USP47: variants seen among roughly 807,000 people sequenced by gnomAD.
USP47 encodes the protein ubiquitin carboxyl-terminal hydrolase 47.
USP47 carries 35 observed loss-of-function variants against 165.1 expected under a neutral mutation model. The ratio of observed to expected loss-of-function variants is 0.21; its 90% CI spans 0.16 to 0.28. The LOEUF is 0.28. Among genes scored for constraint, USP47 ranks in the 10% least tolerant of loss-of-function variants. USP47 has a pLI of 1.00. For missense variants in USP47, 1,277 were observed against 1,607.4 expected, an observed-to-expected ratio of 0.79 and a Z score of 3.52; for synonymous variants, 531 against 544.5, an observed-to-expected ratio of 0.98 and a Z score of 0.35.
At chr11:11,879,861 G>T (rs1850717372) in intron 1 of USP47, among the ~76,000 whole-genome samples, 1 of 151,872 alleles carries the variant, frequency 6.6e-6, no homozygotes, top group South Asian at 2.1e-4. Context: ...ACTTAAAATT[G>T]CTTAAATATT....
chr11:11,916,000 G>T (rs1231636374), intron 8 of USP47, among the ~76,000 whole-genome samples: 1 of 152,052 alleles, frequency 6.6e-6, no homozygotes, highest in African/African-American at 2.4e-5. Flanking sequence ...GGATTTATAG[G>T]CAATACCATT....
In USP47 at chr11:11,935,732, G is replaced by A. The variant is rs369832338; in HGVS notation, c.1870-571G>A. ...GGTATGTCATCTATTGGTGACATAAGCTATAAGGAAATGTTATGATAGAAA... is the reference window on the plus strand; with the variant it reads ...GGTATGTCATCTATTGGTGACATAAACTATAAGGAAATGTTATGATAGAAA... On this transcript the variant is annotated intron_variant, in intron 16 of 27. Transcript: ENST00000527733. Among the ~76,000 whole-genome samples the A allele has an allele frequency of 2.0e-5, 3 of 151,918 alleles. No homozygotes were observed. In the South Asian group the frequency reaches 6.2e-4, roughly 31 times the overall value.
At chr11:11,860,465 A>C (rs1849316269) in intron 1 of USP47, among the ~76,000 whole-genome samples, 1 of 152,220 alleles carries the variant, frequency 6.6e-6, no homozygotes, top group Non-Finnish European at 1.5e-5. Flanking sequence ...AACTTTAAAA[A>C]GTGTTAAGTA....
At position 11,960,511 on chromosome 11, in the gene USP47, A is replaced by G. The variant is rs987957034; in HGVS notation, c.*4336A>G. Among the ~76,000 whole-genome samples the G allele has an allele frequency of 1.3e-5, 2 of 152,126 alleles. No homozygotes were observed. Among genetic ancestry groups the G allele is most frequent in the Non-Finnish European group, 2.9e-5 (2 of 68,026 alleles). On this transcript the variant is annotated 3_prime_UTR_variant, in exon 28 of 28. Transcript: ENST00000527733. ...TGCACTAGTCCCTACCAAGTCTTCAACCCTCAATTTGATCTTCCATGAGTG... is the reference window on the plus strand; with the variant it reads ...TGCACTAGTCCCTACCAAGTCTTCAGCCCTCAATTTGATCTTCCATGAGTG...
intron 20 of USP47, among the ~76,000 whole-genome samples, chr11:11,946,617 C>T (rs540889660): frequency 5.4e-4 from 82 of 152,184 alleles, no homozygotes; most frequent in African/African-American, 1.5e-3. Flanking sequence ...ATTTCTAATC[C>T]GGTAATTTTT....
Position 11,956,352 on chromosome 11 carries a change from G to A in USP47, c.*177G>A, listed in dbSNP as rs1327047920. On this transcript the variant is annotated 3_prime_UTR_variant, in exon 28 of 28. Transcript: ENST00000527733. ...GCCCAATGGGCCACTGTTTTGACTCGGAATCATGTTGTGCACTATAGTCAA... is the reference window on the plus strand; with the variant it reads ...GCCCAATGGGCCACTGTTTTGACTCAGAATCATGTTGTGCACTATAGTCAA... 12 of 540,726 alleles carry A rather than the reference G, an allele frequency of 2.2e-5. No individual in the cohort carries two copies. Among genetic ancestry groups the A allele is most frequent in the Non-Finnish European group, 3.2e-5 (10 of 310,094 alleles). The allele number at this position is 540,726 out of a possible 1,614,324, so 33.5% of individuals were successfully genotyped here.
intron 1 of USP47, among the ~76,000 whole-genome samples, chr11:11,843,282 A>C (rs905771175): frequency 6.6e-6 from 1 of 152,212 alleles, no homozygotes; most frequent in African/African-American, 2.4e-5. Flanking sequence ...TATTGGAGTT[A>C]TGTACCTGTA....
At position 11,893,728 on chromosome 11, in the gene USP47, T is replaced by C. The variant is rs1851685846; in HGVS notation, c.496+1622T>C. The stretch of plus-strand genomic sequence containing the variant: ...TCACAACGCCTGGCTTTTAAATTTT[T>C]CTAGAGATGAGGTCTCACTGTGTTG... On this transcript the variant is annotated intron_variant, in intron 4 of 27. Transcript: ENST00000527733. 2.0e-5 allele frequency among the ~76,000 whole-genome samples: 3 copies of C among 152,138 alleles called. No individual in the cohort carries two copies. In the South Asian group the frequency reaches 6.2e-4, roughly 31 times the overall value.
intron 20 of USP47, among the ~76,000 whole-genome samples, chr11:11,947,390 T>C (rs77095876): frequency 0.019 from 2,861 of 152,294 alleles, 67 homozygotes; most frequent in African/African-American, 0.055. Context: ...TGACTTTTTT[T>C]CTAGTGAAAA....
At chr11:11,919,032 A>G (rs570454535) in intron 8 of USP47, among the ~76,000 whole-genome samples, 2 of 108,550 alleles carry the variant, frequency 1.8e-5, no homozygotes, top group Non-Finnish European at 3.7e-5. Flanking sequence ...GTGGAAAAAA[A>G]CCCAGCCGTT....
intron 24 of USP47, chr11:11,950,997 G>A (rs1347768568): frequency 1.3e-5 from 2 of 152,470 alleles, no homozygotes; most frequent in Non-Finnish European, 2.9e-5. Context: ...TGTGTCCTAA[G>A]CCAGGTGGCT....
rs976497120 is a variant in USP47, at chr11:11,949,542, A to G, written c.3349-347A>G. Among the ~76,000 whole-genome samples, 3 of 152,268 alleles carry G rather than the reference A, an allele frequency of 2.0e-5. No homozygotes were observed. The East Asian group carries it at 5.8e-4, about 29-fold the overall frequency. On this transcript the variant is annotated intron_variant, in intron 22 of 27. Coordinates refer to ENST00000527733, the MANE Select transcript of USP47 (RefSeq NM_001282659.2). Reference sequence around the variant, plus strand: ...TAAAGTATTTGGAGAATTAGTATACATTTCCCTCATTTTAGTCCATAAAAG... The same window carrying G: ...TAAAGTATTTGGAGAATTAGTATACGTTTCCCTCATTTTAGTCCATAAAAG...
chr11:11,945,619 A>G (rs1435806787), intron 20 of USP47, among the ~76,000 whole-genome samples: 2 of 152,038 alleles, frequency 1.3e-5, no homozygotes, highest in Non-Finnish European at 2.9e-5. Flanking sequence ...TTCTCCGTAC[A>G]ATTTTGGTTA....
chr11:11,923,031 T>C (rs1443120174), intron 11 of USP47, 140 bp downstream of exon 11: 4 of 286,946 alleles, frequency 1.4e-5, no homozygotes, highest in East Asian at 9.5e-5. Flanking sequence ...TCAAATATAG[T>C]TTTTTTGTAC....
intron 4 of USP47, among the ~76,000 whole-genome samples, chr11:11,893,152 A>G (rs1012313121): frequency 2.6e-5 from 4 of 152,202 alleles, no homozygotes. Flanking sequence ...GTTTATTTAC[A>G]TACAAGATTG....
intron 1 of USP47, among the ~76,000 whole-genome samples, chr11:11,853,909 G>A (rs540833031): frequency 2.0e-5 from 3 of 152,016 alleles, no homozygotes; most frequent in South Asian, 2.1e-4. Context: ...GGTGGATCAC[G>A]AGGTCAGGAG....
At chr11:11,928,124 T>C (rs989879331) in intron 11 of USP47, among the ~76,000 whole-genome samples, 1 of 152,040 alleles carries the variant, frequency 6.6e-6, no homozygotes, top group Admixed American at 6.5e-5. Context: ...AGACTTTTTC[T>C]GTGTTTATTT....
At chr11:11,933,216 T>C in intron 15 of USP47, 100 bp downstream of exon 15, 1 of 925,270 alleles carries the variant, frequency 1.1e-6, no homozygotes, top group Non-Finnish European at 1.7e-6. Flanking sequence ...CTGAGACAAT[T>C]ATGCTATCAT....
intron 1 of USP47, among the ~76,000 whole-genome samples, chr11:11,874,238 G>C (rs911080686): frequency 6.6e-6 from 1 of 152,128 alleles, no homozygotes; most frequent in African/African-American, 2.4e-5. Flanking sequence ...CTCAGAGCCT[G>C]TGTGCACTAC....
Sources: gnomAD v4.1 joint callset for allele counts (sites outside exome capture counted in the v4.1 genomes callset) on GRCh38, gnomAD v4.1.1 for gene constraint, MANE v1.5 for transcripts, NCBI Gene and HGNC (gene_info 2026-07-23, HGNC 2026-07-21) for gene names.